The following ROBO1 variants were observed in gnomAD, a reference collection of about 807,000 sequenced individuals.
ROBO1 encodes the protein roundabout guidance receptor 1.
ROBO1 carries 149 observed loss-of-function variants against 195.9 expected under a neutral mutation model. The ratio of observed to expected loss-of-function variants is 0.76; its 90% CI spans 0.67 to 0.87. The LOEUF (loss-of-function observed/expected upper bound fraction) is 0.87, where lower values mean the gene tolerates loss of function less well. ROBO1 is among the 40% of genes least tolerant of loss of function. The pLI is 0.00. For missense variants in ROBO1, 1,933 were observed against 2,068.3 expected, an observed-to-expected ratio of 0.93 and a Z score of 1.27; for synonymous variants, 816 against 733.2, an observed-to-expected ratio of 1.11 and a Z score of -1.82.
At chr3:79,481,058 A>T (rs1938826450) in intron 2 of ROBO1, among the ~76,000 whole-genome samples, 1 of 152,056 alleles carries the variant, frequency 6.6e-6, no homozygotes. Flanking sequence ...TTTTATTTAT[A>T]TTCTTGCTTG....
At chr3:78,720,977 T>C (rs1310516767) in intron 5 of ROBO1, among the ~76,000 whole-genome samples, 1 of 150,660 alleles carries the variant, frequency 6.6e-6, no homozygotes, top group East Asian at 1.9e-4. Flanking sequence ...AGGCATAGCA[T>C]TAGGAGATAT....
At chr3:78,678,215 G>A (rs1353441214) in intron 10 of ROBO1, among the ~76,000 whole-genome samples, 23 of 151,258 alleles carry the variant, frequency 1.5e-4, no homozygotes, top group Middle Eastern at 6.8e-3. Context: ...GCCCACAAGA[G>A]AAAGCAGGAA....
intron 2 of ROBO1, among the ~76,000 whole-genome samples, chr3:79,128,777 C>G (rs576681537): frequency 7.2e-5 from 11 of 152,218 alleles, no homozygotes; most frequent in African/African-American, 2.6e-4. Context: ...TCAGGGTGAT[C>G]AATTCCAATT....
At chr3:79,592,477 G>A (rs2107828003) in intron 1 of ROBO1, among the ~76,000 whole-genome samples, 1 of 152,054 alleles carries the variant, frequency 6.6e-6, no homozygotes, top group South Asian at 2.1e-4. Flanking sequence ...TCAGAAATGG[G>A]AATTGCATTA....
At chr3:79,094,543 A>C (rs1042503536) in intron 3 of ROBO1, among the ~76,000 whole-genome samples, 1 of 152,188 alleles carries the variant, frequency 6.6e-6, no homozygotes, top group African/African-American at 2.4e-5. Flanking sequence ...TTCATCTTCC[A>C]ATGAAGATTA....
intron 3 of ROBO1, among the ~76,000 whole-genome samples, chr3:79,035,878 C>A (rs2078373237): frequency 6.6e-6 from 1 of 152,076 alleles, no homozygotes; most frequent in Admixed American, 6.5e-5. Flanking sequence ...CTATCTGGGA[C>A]CATTAAAAGT....
chr3:78,952,820 A>G (rs1443128970), intron 3 of ROBO1, among the ~76,000 whole-genome samples: 2 of 152,050 alleles, frequency 1.3e-5, no homozygotes, highest in Non-Finnish European at 2.9e-5. Flanking sequence ...ACTTTATTTT[A>G]TTCTAATGTC....
Position 78,636,123 on chromosome 3 carries a change from G to A in ROBO1, c.3038-15C>T, listed in dbSNP as rs754483032. 4.5e-6 allele frequency: 7 copies of A among 1,551,746 alleles called. No homozygotes were observed. The highest frequency in any genetic ancestry group is 2.7e-5 in the African/African-American group (2 of 72,906). On this transcript the variant is annotated splice_polypyrimidine_tract_variant and intron_variant, in intron 22 of 30. Transcript: ENST00000464233. Reference sequence around the variant, plus strand: ...TATACAATCAGCTATGTGCAATGGAGAGGAAAAGGAAAAAATCATTCTGCG... The same window carrying A: ...TATACAATCAGCTATGTGCAATGGAAAGGAAAAGGAAAAAATCATTCTGCG...
At chr3:78,787,839 A>C (rs183708579) in intron 4 of ROBO1, among the ~76,000 whole-genome samples, 1 of 151,784 alleles carries the variant, frequency 6.6e-6, no homozygotes, top group East Asian at 1.9e-4. Flanking sequence ...CAGCTACACA[A>C]GTGAGAGGAT....
chr3:78,928,983 C>T (rs920151439), intron 4 of ROBO1, among the ~76,000 whole-genome samples: 18 of 151,976 alleles, frequency 1.2e-4, no homozygotes, highest in Admixed American at 9.2e-4. Context: ...TAAATACTTT[C>T]GTGGAGGTGG....
intron 2 of ROBO1, among the ~76,000 whole-genome samples, chr3:79,410,559 A>T (rs571106735): frequency 1.2e-4 from 18 of 151,982 alleles, no homozygotes; most frequent in African/African-American, 4.1e-4. Context: ...GCCTTTTCTG[A>T]ATCATAAGGA....
At chr3:78,803,704 G>A (rs141738506) in intron 4 of ROBO1, among the ~76,000 whole-genome samples, 41 of 151,938 alleles carry the variant, frequency 2.7e-4, no homozygotes, top group African/African-American at 9.7e-4. Context: ...CAATTGACAG[G>A]ATAAAGAATG....
At chr3:79,373,694 G>GTATT (rs2036283329) in intron 2 of ROBO1, among the ~76,000 whole-genome samples, 1 of 152,206 alleles carries the variant, frequency 6.6e-6, no homozygotes, top group South Asian at 2.1e-4. Flanking sequence ...ATCCTCTGAA[G>GTATT]TGAATTTATT....
At chr3:79,705,529 C>T (rs763543492) in intron 1 of ROBO1, among the ~76,000 whole-genome samples, 3 of 151,994 alleles carry the variant, frequency 2.0e-5, no homozygotes, top group African/African-American at 2.4e-5. Flanking sequence ...TCTTCTTTCC[C>T]GTGGATCTAT....
chr3:78,967,514 A>G (rs907681530), intron 3 of ROBO1, among the ~76,000 whole-genome samples: 1 of 152,138 alleles, frequency 6.6e-6, no homozygotes, highest in Non-Finnish European at 1.5e-5. Flanking sequence ...AGAGAGAAAG[A>G]AACTGGGCAC....
intron 2 of ROBO1, among the ~76,000 whole-genome samples, chr3:79,265,298 T>C (rs117733207): frequency 0.021 from 3,127 of 149,426 alleles, 82 homozygotes; most frequent in East Asian, 0.11. Flanking sequence ...AAAAGCAGAT[T>C]TTTTTTTTTT....
chr3:79,472,954 G>C lies in ROBO1; in HGVS notation c.88+116870C>G, dbSNP rs574589597. Among the ~76,000 whole-genome samples the C allele has an allele frequency of 1.7e-4, 26 of 152,244 alleles. No individual in the cohort carries two copies. In the South Asian group the frequency reaches 5.4e-3, roughly 32 times the overall value. On this transcript the variant is annotated intron_variant, in intron 2 of 30. Transcript: ENST00000464233. ...AAATTAGATATTAGCTAGGTGAGGG[G>C]AAGGTGCTAGGGAGTGAGAGTGGAT...
Position 78,739,846 on chromosome 3 carries a change from C to T in ROBO1, c.657+6897G>A, listed in dbSNP as rs537155817. Among the ~76,000 whole-genome samples, 56 of 152,196 alleles carry T rather than the reference C, an allele frequency of 3.7e-4. 1 individual carries two copies. The South Asian group carries it at 9.1e-3, about 25-fold the overall frequency. ...AAATCATTGAACATTAAAAACAGTA[C>T]TTCATAATGGAAACTAAGAGATACT... On this transcript the variant is annotated intron_variant, in intron 5 of 30. Transcript: ENST00000464233.
At chr3:79,355,203 C>G (rs1232026061) in intron 2 of ROBO1, among the ~76,000 whole-genome samples, 1 of 151,656 alleles carries the variant, frequency 6.6e-6, no homozygotes, top group Non-Finnish European at 1.5e-5. Context: ...AAAAACCATG[C>G]AAATGAATGA....
Sources: gnomAD v4.1 joint callset for allele counts (sites outside exome capture counted in the v4.1 genomes callset) on GRCh38, gnomAD v4.1.1 for gene constraint, MANE v1.5 for transcripts, NCBI Gene and HGNC (gene_info 2026-07-23, HGNC 2026-07-21) for gene names.